The following CSNK1G1 variants were observed in gnomAD, a reference collection of about 807,000 sequenced individuals.
CSNK1G1 encodes the protein casein kinase I isoform gamma-1.
In CSNK1G1, 22 loss-of-function variants were observed where a neutral mutation model predicts 59.6. The ratio of observed to expected loss-of-function variants is 0.37; its 90% CI spans 0.26 to 0.53. The LOEUF (loss-of-function observed/expected upper bound fraction) is 0.53. CSNK1G1 is among the 20% of genes least tolerant of loss of function. CSNK1G1 has a pLI of 0.89. For missense variants in CSNK1G1, 384 were observed against 519.5 expected (o/e 0.74, Z 2.54); for synonymous variants, 179 against 177.1 (o/e 1.01, Z -0.08).
chr15:64,180,528 G>T, intron 10 of CSNK1G1, 74 bp from the exon 11 acceptor site: 2 of 1,158,454 alleles, frequency 1.7e-6, no homozygotes, highest in African/African-American at 1.5e-5. Flanking sequence ...AGACAGGGTC[G>T]CTAAACAGGC....
intron 1 of CSNK1G1, among the ~76,000 whole-genome samples, chr15:64,310,347 C>G (rs759257711): frequency 6.6e-6 from 1 of 151,546 alleles, no homozygotes; most frequent in Non-Finnish European, 1.5e-5. Flanking sequence ...CCTTTTCCAA[C>G]AGGAAAAGGG....
intron 4 of CSNK1G1, among the ~76,000 whole-genome samples, chr15:64,224,227 C>A (rs1007216829): frequency 4.6e-5 from 7 of 152,070 alleles, no homozygotes; most frequent in African/African-American, 1.7e-4. Flanking sequence ...TAAATTAATT[C>A]TCTTCTCAGC....
Position 64,248,142 on chromosome 15 carries a change from T to C in CSNK1G1, c.292+3370A>G, listed in dbSNP as rs138964990. ...CACCTTGGTAATCAAAAGAGTGGCA[T>C]ATGCGCACTGGCTGCTCAAACATTA... is the stretch of plus-strand genomic sequence containing the variant. On this transcript the variant is annotated intron_variant, in intron 4 of 11. Coordinates refer to ENST00000303052, the MANE Select transcript of CSNK1G1 (RefSeq NM_022048.5). Among the ~76,000 whole-genome samples the C allele has an allele frequency of 1.3e-3, 205 of 152,308 alleles. 2 individuals carry two copies. The highest frequency in any genetic ancestry group is 0.012 in the South Asian group (60 of 4,832).
intron 2 of CSNK1G1, among the ~76,000 whole-genome samples, chr15:64,262,423 A>T (rs1892744155): frequency 6.6e-6 from 1 of 152,226 alleles, no homozygotes; most frequent in South Asian, 2.1e-4. Flanking sequence ...TTCTATTTTT[A>T]AAAAATACTA....
chr15:64,263,748 T>C (rs1359732102), intron 2 of CSNK1G1, among the ~76,000 whole-genome samples: 2 of 148,248 alleles, frequency 1.3e-5, no homozygotes, highest in East Asian at 4.1e-4. Flanking sequence ...AAAATTTTGT[T>C]AACATTTCTC....
At chr15:64,303,761 A>C (rs1895500358) in intron 1 of CSNK1G1, among the ~76,000 whole-genome samples, 1 of 149,568 alleles carries the variant, frequency 6.7e-6, no homozygotes, top group Non-Finnish European at 1.5e-5. Context: ...AAGAAAAAAA[A>C]AAAAAAAATA....
chr15:64,172,711 A>G (rs532924687), intron 11 of CSNK1G1, among the ~76,000 whole-genome samples: 34 of 152,268 alleles, frequency 2.2e-4, no homozygotes, highest in African/African-American at 6.7e-4. Context: ...GCACTCCCCA[A>G]TTTAGCTTCC....
intron 2 of CSNK1G1, among the ~76,000 whole-genome samples, chr15:64,273,906 T>C (rs1893464659): frequency 6.6e-6 from 1 of 152,208 alleles, no homozygotes; most frequent in South Asian, 2.1e-4. Context: ...GAGTAAACAA[T>C]ATCATTCCAC....
chr15:64,186,916 C>T (rs1401518212), intron 10 of CSNK1G1, among the ~76,000 whole-genome samples: 1 of 152,014 alleles, frequency 6.6e-6, no homozygotes, highest in Non-Finnish European at 1.5e-5. Context: ...CTCTGCCTCC[C>T]AGGTTCAAGC....
Position 64,200,646 on chromosome 15 carries a change from G to A in CSNK1G1, c.1107+2436C>T, listed in dbSNP as rs1282099866. Among the ~76,000 whole-genome samples the A allele has an allele frequency of 1.3e-5, 2 of 152,002 alleles. No homozygotes were observed. The highest frequency in any genetic ancestry group is 2.9e-5 in the Non-Finnish European group (2 of 67,982). On this transcript the variant is annotated intron_variant, in intron 10 of 11. Coordinates refer to ENST00000303052, the MANE Select transcript of CSNK1G1 (RefSeq NM_022048.5). This position sits in a 1 kb window ranked among gnomAD's most constrained non-coding sequence, Gnocchi z 4.3. ...CAGGCGTGAGCCACTGCGCCTGGCC[G>A]CATTATAGAGTAATAAAACTTCATT...
intron 1 of CSNK1G1, among the ~76,000 whole-genome samples, chr15:64,334,770 T>C (rs1009033848): frequency 6.6e-6 from 1 of 152,140 alleles, no homozygotes; most frequent in African/African-American, 2.4e-5. Context: ...CAGATGAAGC[T>C]TCACGCACTC....
chr15:64,275,878 G>A (rs904793111), intron 2 of CSNK1G1, among the ~76,000 whole-genome samples: 8 of 152,044 alleles, frequency 5.3e-5, no homozygotes, highest in Non-Finnish European at 1.2e-4. Flanking sequence ...TTTTTAGTGT[G>A]AGTTATGATC....
intron 1 of CSNK1G1, among the ~76,000 whole-genome samples, chr15:64,309,328 AC>A (rs1418627631): frequency 6.6e-6 from 1 of 150,604 alleles, no homozygotes; most frequent in Non-Finnish European, 1.5e-5. Flanking sequence ...ACACACACAC[AC>A]ACACACACAC....
chr15:64,305,695 CA>C (rs1197333533), intron 1 of CSNK1G1, among the ~76,000 whole-genome samples: 45 of 56,694 alleles, frequency 7.9e-4, no homozygotes, highest in Admixed American at 1.0e-3. Flanking sequence ...ACCCTGTCTC[CA>C]AAAAAAAAAA....
At chr15:64,296,417 A>G (rs1895025333) in intron 2 of CSNK1G1, among the ~76,000 whole-genome samples, 1 of 152,102 alleles carries the variant, frequency 6.6e-6, no homozygotes, top group Admixed American at 6.5e-5. Flanking sequence ...CACTACACCC[A>G]GCCCCCAATC....
At position 64,259,286 on chromosome 15, in the gene CSNK1G1, G is replaced by C. The variant is rs765003805; in HGVS notation, c.182-45C>G. On this transcript the variant is annotated intron_variant, in intron 2 of 11. Coordinates refer to ENST00000303052, the MANE Select transcript of CSNK1G1 (RefSeq NM_022048.5). ...TATATGTTTTAGTGACATTTATTCT[G>C]GGAAAAGCAAAGCAAAATATTAGCT... 45 of 1,471,168 alleles carry C rather than the reference G, an allele frequency of 3.1e-5. No homozygotes were observed. The East Asian group carries it at 1.0e-3, about 33-fold the overall frequency. The allele number at this position is 1,471,168 out of a possible 1,614,324, so 91.1% of individuals were successfully genotyped here.
intron 1 of CSNK1G1, among the ~76,000 whole-genome samples, chr15:64,310,050 CTG>C (rs200522639): frequency 0.04 from 6,048 of 151,948 alleles, 221 homozygotes; most frequent in Admixed American, 0.12. Context: ...GAGGTCAAGA[CTG>C]TAGTGAGCTG....
chr15:64,296,326 G>C (rs566890986), intron 2 of CSNK1G1, among the ~76,000 whole-genome samples: 42 of 152,140 alleles, frequency 2.8e-4, no homozygotes, highest in African/African-American at 8.7e-4. Context: ...TTGCCACGTT[G>C]CTCATGTTGG....
intron 4 of CSNK1G1, among the ~76,000 whole-genome samples, chr15:64,240,303 C>A (rs1156564566): frequency 6.6e-6 from 1 of 151,896 alleles, no homozygotes. Flanking sequence ...TTATGGGACA[C>A]CATTAAGTGA....
Sources: allele counts gnomAD v4.1 joint callset (sites outside exome capture counted in the v4.1 genomes callset), GRCh38; gene constraint gnomAD v4.1.1; non-coding constraint Gnocchi (gnomAD v3.1); transcripts MANE v1.5; gene names NCBI Gene and HGNC (gene_info 2026-07-23, HGNC 2026-07-21).